Variants in C6 observed in about 807,000 individuals in gnomAD.
C6 encodes complement C6.
C6 carries 101 observed loss-of-function variants against 112.9 expected under a neutral mutation model. The ratio of observed to expected loss-of-function variants is 0.89; its 90% confidence interval spans 0.76 to 1.06. The LOEUF (loss-of-function observed/expected upper bound fraction) is 1.06. Ranked by LOEUF, C6 falls within the 50% of genes least tolerant of loss-of-function variation. The pLI is 0.00. For missense variants in C6, 1,202 were observed against 1,104.6 expected, an observed-to-expected ratio of 1.09 and a Z score of -1.25; for synonymous variants, 431 against 384.1, an observed-to-expected ratio of 1.12 and a Z score of -1.43.
intron 1 of C6, among the ~76,000 whole-genome samples, chr5:41,237,236 C>T (rs1379649875): frequency 2.3e-5 from 3 of 129,092 alleles, no homozygotes; most frequent in Non-Finnish European, 3.2e-5. Flanking sequence ...ATGAGGCCAG[C>T]ATCATTCTGA....
rs1739767484 is a variant in C6, at chr5:41,229,725, TC to T, written c.-20-26476del. 2.6e-5 allele frequency among the ~76,000 whole-genome samples: 4 copies of T among 152,202 alleles called. No homozygotes were observed. In the South Asian group the frequency reaches 8.3e-4, roughly 31 times the overall value. ...TGTAGTGTTATTCAAATCTTCGGCT[TC>T]CTTATTGATTTTCTATCTGTATAAT... On this transcript the variant is annotated intron_variant, in intron 1 of 17. Transcript: ENST00000263413.
intron 1 of C6, among the ~76,000 whole-genome samples, chr5:41,246,051 T>G (rs1741001224): frequency 6.6e-6 from 1 of 152,212 alleles, no homozygotes; most frequent in African/African-American, 2.4e-5. Context: ...AAGGTAGAGA[T>G]GAGTTGAAGA....
At chr5:41,181,021 T>C (rs1207956600) in intron 7 of C6, among the ~76,000 whole-genome samples, 1 of 151,858 alleles carries the variant, frequency 6.6e-6, no homozygotes, top group African/African-American at 2.4e-5. Context: ...GTATATAACA[T>C]ATAACAAAAA....
intron 6 of C6, among the ~76,000 whole-genome samples, 164 bp from the exon 7 acceptor site, chr5:41,181,723 G>C (rs1045040824): frequency 2.0e-5 from 3 of 152,108 alleles, no homozygotes; most frequent in African/African-American, 7.2e-5. Context: ...TGCACTGAGG[G>C]GTTAATAGTT....
chr5:41,226,041 G>C (rs966820624), intron 1 of C6, among the ~76,000 whole-genome samples: 1 of 152,140 alleles, frequency 6.6e-6, no homozygotes, highest in Non-Finnish European at 1.5e-5. Flanking sequence ...CATAGGCATG[G>C]ACAAGGACTT....
At chr5:41,154,637 C>T (rs1182237531) in intron 14 of C6, among the ~76,000 whole-genome samples, 1 of 152,172 alleles carries the variant, frequency 6.6e-6, no homozygotes, top group Non-Finnish European at 1.5e-5. Flanking sequence ...TCTTGAGACT[C>T]AGCATTTTGC....
At chr5:41,159,031 T>C in intron 12 of C6, 51 bp downstream of exon 12, 7 of 1,536,794 alleles carry the variant, frequency 4.6e-6, no homozygotes, top group African/African-American at 1.4e-5. Flanking sequence ...CTCTCAATGT[T>C]ATTGAGAGTT....
chr5:41,149,185 C>T lies in C6; in HGVS notation c.2623+56G>A, dbSNP rs541382920. ...GGTTATTTTTAAGAAAGATGATGTACTAGCTGAGATGAAGGTTAAGTGAGA... is the reference window on the plus strand; with the variant it reads ...GGTTATTTTTAAGAAAGATGATGTATTAGCTGAGATGAAGGTTAAGTGAGA... On this transcript the variant is annotated intron_variant, in intron 17 of 17. Transcript: ENST00000337836. The T allele has an allele frequency of 1.1e-5, 17 of 1,592,390 alleles. No homozygotes were observed. The East Asian group carries it at 1.6e-4, about 15-fold the overall frequency.
chr5:41,171,035 G>A (rs897479586), intron 9 of C6, among the ~76,000 whole-genome samples: 5 of 152,148 alleles, frequency 3.3e-5, no homozygotes, highest in African/African-American at 1.2e-4. Flanking sequence ...AATAAAATGT[G>A]TAGAGTAGAC....
chr5:41,254,865 A>C (rs1741584477), intron 1 of C6, among the ~76,000 whole-genome samples: 1 of 152,236 alleles, frequency 6.6e-6, no homozygotes, highest in Non-Finnish European at 1.5e-5. Context: ...TATGGATCTC[A>C]GTGAAAGCGT....
At chr5:41,211,814 T>G (rs1176024673) in intron 1 of C6, among the ~76,000 whole-genome samples, 1 of 152,324 alleles carries the variant, frequency 6.6e-6, no homozygotes, top group Admixed American at 6.5e-5. Flanking sequence ...TTCTTAAAGC[T>G]TCTGGTGAAA....
chr5:41,164,168 A>G lies in C6; in HGVS notation c.1292-2309T>C, dbSNP rs1195198782. On this transcript the variant is annotated intron_variant, in intron 9 of 17. Transcript: ENST00000337836. ...AATGGAAGAAAAGAAAGGAAATTAA[A>G]AAGACCAATAAAATAGTTTTTGCTT... 3.3e-5 allele frequency among the ~76,000 whole-genome samples: 5 copies of G among 152,312 alleles called. No individual in the cohort carries two copies. The South Asian group carries it at 1.0e-3, about 32-fold the overall frequency.
chr5:41,230,984 T>A (rs886166992), intron 1 of C6, among the ~76,000 whole-genome samples: 40 of 152,190 alleles, frequency 2.6e-4, no homozygotes, highest in African/African-American at 9.4e-4. Flanking sequence ...ATAAATTCTA[T>A]TTAGTCTCAT....
intron 1 of C6, among the ~76,000 whole-genome samples, chr5:41,258,110 AT>A (rs1202459286): frequency 2.6e-5 from 4 of 152,250 alleles, no homozygotes; most frequent in Admixed American, 2.6e-4. Flanking sequence ...AATTGCTTTA[AT>A]TTTTCTTATT....
intron 5 of C6, among the ~76,000 whole-genome samples, chr5:41,195,345 T>C (rs1395658196): frequency 6.6e-6 from 1 of 152,172 alleles, no homozygotes; most frequent in Non-Finnish European, 1.5e-5. Context: ...TCTAGTGTTT[T>C]GGCTTTCAAC....
At chr5:41,152,405 G>A (rs1580047262) in intron 15 of C6, among the ~76,000 whole-genome samples, 1 of 152,192 alleles carries the variant, frequency 6.6e-6, no homozygotes, top group East Asian at 1.9e-4. Flanking sequence ...TCTATTGAAT[G>A]AAACACATTT....
At chr5:41,205,682 G>A (rs7714650) in intron 1 of C6, among the ~76,000 whole-genome samples, 4,217 of 152,290 alleles carry the variant, frequency 0.028, 164 homozygotes, top group African/African-American at 0.088. Context: ...AGGGGTGCCC[G>A]CCTTTGCTGA....
intron 1 of C6, among the ~76,000 whole-genome samples, chr5:41,238,274 A>C (rs970352115): frequency 2.1e-5 from 3 of 144,332 alleles, no homozygotes; most frequent in Admixed American, 1.4e-4. Flanking sequence ...TCGCCAAGTC[A>C]ATCCTAAGCC....
At chr5:41,186,352 T>C in intron 5 of C6, 144 bp from the exon 6 acceptor site, 1 of 857,038 alleles carries the variant, frequency 1.2e-6, no homozygotes, top group East Asian at 2.7e-5. Context: ...CTCCGCTTTT[T>C]TTTCCTAGTC....
Sources: allele counts gnomAD v4.1 joint callset (sites outside exome capture counted in the v4.1 genomes callset), GRCh38; gene constraint gnomAD v4.1.1; transcripts MANE v1.5; gene names NCBI Gene and HGNC (gene_info 2026-07-23, HGNC 2026-07-21).